The following DKKL1 variants were observed in gnomAD, a reference collection of about 807,000 sequenced individuals.
DKKL1 encodes dickkopf-like protein 1.
Under a neutral mutation model 16.5 loss-of-function variants are expected in DKKL1, and 11 were observed. The observed-to-expected ratio is 0.67, with a 90% CI of 0.42 to 1.10. The LOEUF (loss-of-function observed/expected upper bound fraction) is 1.10, where lower values mean the gene tolerates loss of function less well. Among genes scored for constraint, DKKL1 ranks in the 50% least tolerant of loss-of-function variants. DKKL1 has a pLI of 0.00. For missense variants in DKKL1, 320 were observed against 308.1 expected, an observed-to-expected ratio of 1.04 and a Z score of -0.29; for synonymous variants, 119 against 133.2, an observed-to-expected ratio of 0.89 and a Z score of 0.73.
chr19:49,363,205 T>C (rs1973077352), upstream of DKKL1: 1 of 152,340 alleles, frequency 6.6e-6, no homozygotes, highest in Admixed American at 6.5e-5. Context: ...GGCTGCGTGT[T>C]CAAAATTACG....
Position 49,375,111 on chromosome 19 carries a change from A to G in DKKL1, c.*83A>G. ...ATATGGAAATAAAGTTCTTTCTTAC[A>G]TCTAACAACACCATCTCCTTTCACT... On this transcript the variant is annotated 3_prime_UTR_variant, in exon 5 of 5. Coordinates refer to ENST00000221498, the MANE Select transcript of DKKL1 (RefSeq NM_014419.4). The G allele has an allele frequency of 7.1e-7, 1 of 1,407,878 alleles. No homozygotes were observed. The highest frequency in any genetic ancestry group is 9.5e-7 in the Non-Finnish European group (1 of 1,054,458). The allele number at this position is 1,407,878 out of a possible 1,614,324, so 87.2% of individuals were successfully genotyped here.
chr19:49,374,514 T>C (rs763869781), intron 4 of DKKL1, among the ~76,000 whole-genome samples: 3 of 152,206 alleles, frequency 2.0e-5, no homozygotes, highest in Non-Finnish European at 2.9e-5. Flanking sequence ...CAAACAAATT[T>C]TCCAATCCCA....
chr19:49,361,207 G>GACAAGAGACCCAGAGAGAGAGGGGA (rs1972887683), upstream of DKKL1, among the ~76,000 whole-genome samples: 1 of 100,116 alleles, frequency 1.0e-5, no homozygotes, highest in Admixed American at 9.8e-5. Context: ...CAGAGAGGGA[G>GACAAGAGACCCAGAGAGAGAGGGGA]ACAGAGACCC....
chr19:49,375,001 C>T lies in DKKL1; in HGVS notation c.702C>T (p.Tyr234=), dbSNP rs141769377. The T allele has an allele frequency of 3.7e-6, 6 of 1,611,672 alleles. No individual in the cohort carries two copies. The highest frequency in any genetic ancestry group is 4.5e-5 in the East Asian group (2 of 44,866). ...RLSPRKTHLL[Y]ILRPSRQL ...CCCCCCGAAAGACCCACTTACTGTA[C>T]ATCCTCAGGCCCTCTCGGCAGCTGT... is the stretch of plus-strand genomic sequence containing the variant. The change falls in exon 5 of 5, where the codon TAC becomes TAT. Residue 234 remains tyrosine, a synonymous_variant. Coordinates refer to ENST00000221498, the MANE Select transcript of DKKL1 (RefSeq NM_014419.4).
intron 4 of DKKL1, among the ~76,000 whole-genome samples, chr19:49,373,804 G>A (rs1161494645): frequency 2.0e-5 from 3 of 152,094 alleles, no homozygotes; most frequent in Non-Finnish European, 2.9e-5. Flanking sequence ...AATCTCCTGC[G>A]CGGCTTCTCA....
At chr19:49,364,347 CAAA>C (rs566267475) in intron 1 of DKKL1, among the ~76,000 whole-genome samples, 3 of 76,772 alleles carry the variant, frequency 3.9e-5, no homozygotes, top group African/African-American at 5.1e-5. Flanking sequence ...GTCTCGGTCT[CAAA>C]AAAAAAAAAA....
At chr19:49,362,989 A>C, upstream of DKKL1, 1 of 114,996 alleles carries the variant, frequency 8.7e-6, no homozygotes, top group South Asian at 2.6e-4. Context: ...ACTGATTCCT[A>C]TGACGACCTG....
intron 4 of DKKL1, 102 bp downstream of exon 4, chr19:49,365,987 G>A: frequency 9.0e-7 from 1 of 1,105,130 alleles, no homozygotes; most frequent in Non-Finnish European, 1.3e-6. Context: ...GAGTGCAGTG[G>A]CACGATCTTG....
Position 49,365,662 on chromosome 19 carries a change from GGAAGCCCTTCCT to G in DKKL1, c.324+18_324+29del. ...CCAGATCGACAAGGTGCCTATGCAG[GGAAGCCCTTCCT>G]GAAGTCCCCTTGGGATCCCTCCATC... is the stretch of plus-strand genomic sequence containing the variant. On this transcript the variant is annotated intron_variant, in intron 3 of 4. Coordinates refer to ENST00000221498, the MANE Select transcript of DKKL1 (RefSeq NM_014419.4). The G allele has an allele frequency of 6.2e-7, 1 of 1,607,100 alleles. No homozygotes were observed.
At chr19:49,374,119 G>A (rs1025726788) in intron 4 of DKKL1, among the ~76,000 whole-genome samples, 1 of 152,024 alleles carries the variant, frequency 6.6e-6, no homozygotes, top group African/African-American at 2.4e-5. Context: ...CGAGTAGCTG[G>A]GACTACAGGC....
Position 49,374,976 on chromosome 19 carries a change from C to T in DKKL1, c.677C>T (p.Ser226Phe), listed in dbSNP as rs539301329. Residue 226 changes from serine (S) to phenylalanine (F), a missense_variant, in exon 5 of 5, where the codon TCC (serine) becomes TTC (phenylalanine). By Grantham distance (155) the Ser-to-Phe change is radical (BLOSUM62 -2). Coordinates refer to ENST00000221498, the MANE Select transcript of DKKL1 (RefSeq NM_014419.4). Reference sequence around the variant, plus strand: ...GAGAGCTCCTCCCACTCCAGGCTGTCCCCCCGAAAGACCCACTTACTGTAC... The same window carrying T: ...GAGAGCTCCTCCCACTCCAGGCTGTTCCCCCGAAAGACCCACTTACTGTAC... Reference protein sequence around the residue: ...GTESSSHSRLSPRKTHLLYIL... With the variant: ...GTESSSHSRLFPRKTHLLYIL... The T allele has an allele frequency of 5.6e-6, 9 of 1,613,038 alleles. No homozygotes were observed. In the African/African-American group the frequency reaches 1.1e-4, roughly 19 times the overall value.
In DKKL1 at chr19:49,374,825, C is replaced by G; in HGVS notation, c.526C>G (p.Arg176Gly). ...RVAFWIIKLP[R>G]RRSHQDALEG... ...GGCCTTCTGGATCATTAAGCTGCCA[C>G]GGCGGAGGTCCCACCAGGATGCCCT... The change falls in exon 5 of 5, where the codon CGG (arginine) becomes GGG (glycine). Residue 176 changes from arginine (R) to glycine (G), a missense_variant. Arg to Gly is a moderately radical substitution (Grantham distance 125). Coordinates refer to ENST00000221498, the MANE Select transcript of DKKL1 (RefSeq NM_014419.4). 2 of 1,613,598 alleles carry G rather than the reference C, an allele frequency of 1.2e-6. No homozygotes were observed. Among genetic ancestry groups the G allele is most frequent in the Non-Finnish European group, 1.7e-6 (2 of 1,179,760 alleles).
chr19:49,373,106 C>A (rs1973568373), intron 4 of DKKL1, among the ~76,000 whole-genome samples: 3 of 152,042 alleles, frequency 2.0e-5, no homozygotes. Context: ...GAGGTTGAGA[C>A]CAACCTGGCC....
At position 49,365,496 on chromosome 19, in the gene DKKL1, C is replaced by T; in HGVS notation, c.184-13C>T. 1.9e-6 allele frequency: 3 copies of T among 1,586,734 alleles called. No homozygotes were observed. Among genetic ancestry groups the T allele is most frequent in the Non-Finnish European group, 2.6e-6 (3 of 1,164,114 alleles). ...GAGGTCCAGCAGCTCACCAGTCCCT[C>T]CTCCGGCCCCAGGGTAACCTGCTTC... On this transcript the variant is annotated splice_polypyrimidine_tract_variant and intron_variant, in intron 2 of 4. Coordinates refer to ENST00000221498, the MANE Select transcript of DKKL1 (RefSeq NM_014419.4).
Position 49,374,772 on chromosome 19 carries a change from G to T in DKKL1, c.473G>T (p.Ser158Ile), listed in dbSNP as rs1259082957. The T allele has an allele frequency of 1.9e-6, 3 of 1,600,912 alleles. No homozygotes were observed. Among genetic ancestry groups the T allele is most frequent in the Non-Finnish European group, 2.6e-6 (3 of 1,172,318 alleles). Residue 158 changes from serine (S) to isoleucine (I), a missense_variant, in exon 5 of 5, where the codon AGC becomes ATC. By Grantham distance (142) the Ser-to-Ile change is moderately radical (BLOSUM62 -2). Transcript: ENST00000221498. Reference sequence around the variant, plus strand: ...GTACCCATCCAGAAGGCCACGGACAGCTTCCACACAGAACTCCATCCCCGG... The same window carrying T: ...GTACCCATCCAGAAGGCCACGGACATCTTCCACACAGAACTCCATCCCCGG... ...ALVPIQKATD[S>I]FHTELHPRVA...
At chr19:49,363,771 C>T (rs1426970194), upstream of DKKL1, 2 of 615,686 alleles carry the variant, frequency 3.2e-6, no homozygotes, top group Non-Finnish European at 5.9e-6. Flanking sequence ...AGGGCGTGGT[C>T]ATGGAGTAGA....
chr19:49,374,933 G>T lies in DKKL1; in HGVS notation c.634G>T (p.Val212Phe). Residue 212 changes from valine (V) to phenylalanine (F), a missense_variant, in exon 5 of 5, where the codon GTC (valine) becomes TTC (phenylalanine). Transcript: ENST00000221498. The part of the protein sequence containing the change: ...DGLRKGTHKD[V>F]LEEGTESSSH... Reference sequence around the variant, plus strand: ...ACTCCGCAAGGGGACCCACAAGGACGTCCTAGAAGAGGGGACCGAGAGCTC... The same window carrying T: ...ACTCCGCAAGGGGACCCACAAGGACTTCCTAGAAGAGGGGACCGAGAGCTC... 1 of 1,613,910 alleles carries T rather than the reference G, an allele frequency of 6.2e-7. No homozygotes were observed. The highest frequency in any genetic ancestry group is 1.6e-4 in the Middle Eastern group (1 of 6,062).
At chr19:49,362,774 A>G (rs1045976208), upstream of DKKL1, among the ~76,000 whole-genome samples, 1 of 151,340 alleles carries the variant, frequency 6.6e-6, no homozygotes, top group Non-Finnish European at 1.5e-5. Flanking sequence ...CCTAGGTCTG[A>G]GAGGGGACGG....
intron 2 of DKKL1, 105 bp from the exon 3 acceptor site, chr19:49,365,404 G>A: frequency 1.5e-6 from 2 of 1,376,216 alleles, no homozygotes. Context: ...GGGGATGGGA[G>A]GGACTTGGGG....
Sources: gnomAD v4.1 joint callset for allele counts (sites outside exome capture counted in the v4.1 genomes callset) on GRCh38, gnomAD v4.1.1 for gene constraint, MANE v1.5 for transcripts, NCBI Gene and HGNC (gene_info 2026-07-23, HGNC 2026-07-21) for gene names.